The following KCNIP3 variants were observed in gnomAD, a reference collection of about 807,000 sequenced individuals.
KCNIP3 encodes the protein potassium voltage-gated channel interacting protein 3.
In KCNIP3, 28 loss-of-function variants were observed where a neutral mutation model predicts 35.0. The observed-to-expected ratio is 0.80, with a 90% CI of 0.59 to 1.10. The LOEUF is 1.10. Ranked by LOEUF, KCNIP3 falls within the 50% of genes least tolerant of loss-of-function variation. KCNIP3 has a pLI of 0.00. For synonymous variants in KCNIP3, 134 were observed against 133.8 expected, an observed-to-expected ratio of 1.00 and a Z score of -0.01; for missense variants, 295 against 338.4, an observed-to-expected ratio of 0.87 and a Z score of 1.01.
intron 2 of KCNIP3, among the ~76,000 whole-genome samples, chr2:95,342,305 C>T (rs1220584240): frequency 6.6e-6 from 1 of 152,224 alleles, no homozygotes; most frequent in East Asian, 1.9e-4. Context: ...CCACTCTGTG[C>T]TTCAACTTCT....
intron 2 of KCNIP3, among the ~76,000 whole-genome samples, chr2:95,323,157 G>A (rs2104229763): frequency 6.6e-6 from 1 of 152,354 alleles, no homozygotes; most frequent in South Asian, 2.1e-4. Flanking sequence ...GGCGAGATGG[G>A]CAGGGCAGCC....
intron 1 of KCNIP3, among the ~76,000 whole-genome samples, chr2:95,300,343 G>C (rs1677991311): frequency 6.6e-6 from 1 of 152,220 alleles, no homozygotes; most frequent in African/African-American, 2.4e-5. Context: ...GTCTTATCAA[G>C]ACCTTCTGTG....
At chr2:95,336,105 C>A (rs968050572) in intron 2 of KCNIP3, among the ~76,000 whole-genome samples, 2 of 152,234 alleles carry the variant, frequency 1.3e-5, no homozygotes, top group Non-Finnish European at 2.9e-5. Context: ...TTGCAGGTCA[C>A]CCATGTTGTC....
intron 2 of KCNIP3, among the ~76,000 whole-genome samples, chr2:95,363,329 G>A (rs1679845952): frequency 1.3e-5 from 2 of 152,076 alleles, no homozygotes; most frequent in Admixed American, 1.3e-4. Flanking sequence ...TTTTCTTTAT[G>A]TGGTGATCCA....
chr2:95,308,413 A>G (rs960856185), intron 1 of KCNIP3, among the ~76,000 whole-genome samples: 1 of 152,216 alleles, frequency 6.6e-6, no homozygotes, highest in Non-Finnish European at 1.5e-5. Flanking sequence ...CCCAAAAGCC[A>G]GGATAAGGGA....
intron 2 of KCNIP3, among the ~76,000 whole-genome samples, chr2:95,360,446 A>G (rs376492189): frequency 2.6e-4 from 39 of 152,156 alleles, no homozygotes; most frequent in African/African-American, 8.9e-4. Flanking sequence ...TGTTCTGTTC[A>G]TGGCGACAGG....
chr2:95,358,360 A>G (rs1252463319), intron 2 of KCNIP3, among the ~76,000 whole-genome samples: 1 of 152,176 alleles, frequency 6.6e-6, no homozygotes, highest in Non-Finnish European at 1.5e-5. Flanking sequence ...TACATGGGGT[A>G]TGGGACAGGA....
intron 5 of KCNIP3, among the ~76,000 whole-genome samples, chr2:95,380,078 A>G (rs1680301910): frequency 6.6e-6 from 1 of 151,936 alleles, no homozygotes; most frequent in African/African-American, 2.4e-5. Flanking sequence ...AACTCTCATT[A>G]TCCTCTGTTC....
At chr2:95,309,418 T>C (rs922181721) in intron 1 of KCNIP3, among the ~76,000 whole-genome samples, 1 of 131,250 alleles carries the variant, frequency 7.6e-6, no homozygotes, top group South Asian at 2.4e-4. Flanking sequence ...CTCAGGCACA[T>C]GGCCCACTGC....
intron 2 of KCNIP3, among the ~76,000 whole-genome samples, chr2:95,331,449 G>T (rs1426876740): frequency 1.4e-4 from 21 of 152,102 alleles, no homozygotes; most frequent in Admixed American, 1.4e-3. Context: ...AAGGAGGCAG[G>T]TGGGATCTGC....
intron 2 of KCNIP3, among the ~76,000 whole-genome samples, chr2:95,370,792 G>C (rs1680023581): frequency 6.6e-6 from 1 of 150,708 alleles, no homozygotes; most frequent in African/African-American, 2.4e-5. Flanking sequence ...ACGAAGTTTT[G>C]CTCTGTCAAC....
chr2:95,299,611 G>C (rs1677968565), intron 1 of KCNIP3, among the ~76,000 whole-genome samples: 1 of 152,260 alleles, frequency 6.6e-6, no homozygotes, highest in South Asian at 2.1e-4. Flanking sequence ...TGAGCTCTTA[G>C]GAGAAAGGAG....
chr2:95,379,443 G>C (rs1444815376), intron 5 of KCNIP3, among the ~76,000 whole-genome samples: 1 of 131,282 alleles, frequency 7.6e-6, no homozygotes, highest in Non-Finnish European at 1.6e-5. Flanking sequence ...GCCTCCCACA[G>C]CTCCATCCTC....
In KCNIP3 at chr2:95,381,683, G is replaced by A. The variant is rs770617519; in HGVS notation, c.535G>A (p.Asp179Asn). The change falls in exon 6 of 9, where the codon GAT (aspartate) becomes AAT (asparagine). Residue 179 changes from aspartate (D) to asparagine (N), a missense_variant. Transcript: ENST00000295225. ...CTTTAATCTCTACGACATTAACAAG[G>A]ATGGCTACATCACCAAAGAGGTAGT... Reference protein sequence around the residue: ...WAFNLYDINKDGYITKEEMLA... With the variant: ...WAFNLYDINKNGYITKEEMLA... The A allele has an allele frequency of 1.2e-6, 2 of 1,613,394 alleles. No homozygotes were observed. Among genetic ancestry groups the A allele is most frequent in the Non-Finnish European group, 1.7e-6 (2 of 1,179,486 alleles).
intron 2 of KCNIP3, among the ~76,000 whole-genome samples, chr2:95,352,210 C>T (rs891451729): frequency 5.9e-5 from 9 of 152,122 alleles, no homozygotes; most frequent in Non-Finnish European, 7.3e-5. Context: ...GCCAAGATCA[C>T]GCCACTGCAC....
At chr2:95,302,096 T>C (rs1678049427) in intron 1 of KCNIP3, among the ~76,000 whole-genome samples, 1 of 152,010 alleles carries the variant, frequency 6.6e-6, no homozygotes, top group Non-Finnish European at 1.5e-5. Flanking sequence ...CCACCACTGC[T>C]TCCTGCCATC....
chr2:95,364,563 C>T (rs980827952), intron 2 of KCNIP3, among the ~76,000 whole-genome samples: 8 of 152,142 alleles, frequency 5.3e-5, no homozygotes, highest in African/African-American at 1.9e-4. Context: ...GCGCGGATCC[C>T]TCCTGAATGG....
intron 2 of KCNIP3, among the ~76,000 whole-genome samples, chr2:95,340,005 G>C (rs1312709455): frequency 6.6e-6 from 1 of 152,134 alleles, no homozygotes; most frequent in African/African-American, 2.4e-5. Flanking sequence ...TGGGAAAAGA[G>C]AAGAGAGAAC....
rs1680232043 is a variant in KCNIP3, at chr2:95,377,405, G to A, written c.447+2197G>A. Among the ~76,000 whole-genome samples the A allele has an allele frequency of 6.6e-6, 1 of 152,222 alleles. No homozygotes were observed. The highest frequency in any genetic ancestry group is 1.5e-5 in the Non-Finnish European group (1 of 68,046). ...AGGGCCGTGTGAGGGCAGCCTGCAAGCCCAGCAACCACATGCGACTCCCAC... is the reference window on the plus strand; with the variant it reads ...AGGGCCGTGTGAGGGCAGCCTGCAAACCCAGCAACCACATGCGACTCCCAC... On this transcript the variant is annotated intron_variant, in intron 5 of 8. Transcript: ENST00000295225. The surrounding 1 kb of genome is among the most constrained non-coding windows in gnomAD (Gnocchi z 4.7).
Sources: allele counts gnomAD v4.1 joint callset (sites outside exome capture counted in the v4.1 genomes callset), GRCh38; gene constraint gnomAD v4.1.1; non-coding constraint Gnocchi (gnomAD v3.1); transcripts MANE v1.5; gene names NCBI Gene and HGNC (gene_info 2026-07-23, HGNC 2026-07-21).